Variants in SLC35F4 observed in about 807,000 individuals in gnomAD.
SLC35F4 encodes the protein solute carrier family 35 member F4.
In SLC35F4, 24 loss-of-function variants were observed where a neutral mutation model predicts 44.2. The ratio of observed to expected loss-of-function variants is 0.54; its 90% CI spans 0.39 to 0.76. The LOEUF (loss-of-function observed/expected upper bound fraction) is 0.76. SLC35F4 is among the 30% of genes least tolerant of loss of function. The pLI, the probability that SLC35F4 is intolerant of heterozygous loss-of-function variation, is 0.00. For synonymous variants in SLC35F4, 238 were observed against 223.6 expected (o/e 1.06, Z -0.57); for missense variants, 562 against 586.1 (o/e 0.96, Z 0.42).
rs544585187 is a variant in SLC35F4 at position 57,969,761 on chromosome 14, A to T, written n.282+12152T>A. On this transcript the variant is annotated intron_variant and non_coding_transcript_variant, in intron 1 of 1. Coordinates refer to the SLC35F4 transcript ENST00000556568. Reference sequence around the variant, plus strand: ...ATGCTCATATTATAAATAATACTACAATAAACTTCATGTGACACATATTTT... The same window carrying T: ...ATGCTCATATTATAAATAATACTACTATAAACTTCATGTGACACATATTTT... Among the ~76,000 whole-genome samples, 99 of 152,328 alleles carry T rather than the reference A, an allele frequency of 6.5e-4. 2 individuals carry two copies. Among genetic ancestry groups the T allele is most frequent in the Admixed American group, 5.2e-3 (79 of 15,296 alleles).
chr14:57,956,618 A>C (rs1318873272), intron 1 of SLC35F4, among the ~76,000 whole-genome samples: 1 of 152,224 alleles, frequency 6.6e-6, no homozygotes, highest in Non-Finnish European at 1.5e-5. Context: ...ACCCCATGAA[A>C]AAGTGGGCAA....
chr14:57,900,168 C>T (rs1429285387), intron 1 of SLC35F4, among the ~76,000 whole-genome samples: 1 of 152,128 alleles, frequency 6.6e-6, no homozygotes, highest in African/African-American at 2.4e-5. Context: ...TTTACAATCC[C>T]ATTGCTAGCT....
intron 1 of SLC35F4, among the ~76,000 whole-genome samples, chr14:57,877,372 G>A (rs10139617): frequency 0.19 from 28,611 of 152,136 alleles, 5,969 homozygotes; most frequent in African/African-American, 0.52. Flanking sequence ...CATGATACAT[G>A]TGTACCACAT....
At chr14:57,827,771 T>C (rs187820802) in intron 1 of SLC35F4, among the ~76,000 whole-genome samples, 2 of 145,350 alleles carry the variant, frequency 1.4e-5, no homozygotes, top group Admixed American at 6.9e-5. Flanking sequence ...TATACAATTA[T>C]AAGGCAATAC....
chr14:57,844,147 C>G (rs1443806442), intron 1 of SLC35F4, among the ~76,000 whole-genome samples: 1 of 152,122 alleles, frequency 6.6e-6, no homozygotes, highest in East Asian at 1.9e-4. Context: ...CTTTTAAAAA[C>G]CTACTGATCT....
rs146515629 is a variant in SLC35F4, at chr14:57,876,443, G to A, written n.282+105470C>T. 1.4e-3 allele frequency among the ~76,000 whole-genome samples: 209 copies of A among 151,952 alleles called. 3 individuals carry two copies. The East Asian group carries it at 0.031, about 23-fold the overall frequency. ...CCTGGCTGCTGAAAAAAATGAGAGC[G>A]CGAGGGAGTTATTTCTGTGACTCAG... On this transcript the variant is annotated intron_variant and non_coding_transcript_variant, in intron 1 of 1. Coordinates refer to the SLC35F4 transcript ENST00000556568.
intron 1 of SLC35F4, among the ~76,000 whole-genome samples, chr14:57,961,122 G>A (rs572897281): frequency 2.7e-4 from 41 of 152,228 alleles, no homozygotes; most frequent in Admixed American, 1.7e-3. Flanking sequence ...ACGGAGAGAC[G>A]TGATTTTCAG....
At chr14:57,933,039 CTTTTT>C (rs565156783) in intron 1 of SLC35F4, among the ~76,000 whole-genome samples, 33 of 137,498 alleles carry the variant, frequency 2.4e-4, no homozygotes, top group Admixed American at 4.4e-4. Context: ...CTCCTATTTA[CTTTTT>C]TTTTTTTTTT....
chr14:57,743,532 T>C (rs1183635163), intron 1 of SLC35F4, among the ~76,000 whole-genome samples: 4 of 152,150 alleles, frequency 2.6e-5, no homozygotes, highest in Non-Finnish European at 5.9e-5. Context: ...CAGGAAGAAG[T>C]TGAATCCCTG....
intron 4 of SLC35F4, among the ~76,000 whole-genome samples, chr14:57,575,720 G>A (rs17093346): frequency 0.24 from 37,183 of 152,084 alleles, 4,711 homozygotes; most frequent in Admixed American, 0.34. Context: ...GGCCTCGTGA[G>A]CCAGCTATCT....
intron 1 of SLC35F4, among the ~76,000 whole-genome samples, chr14:57,719,218 A>G (rs560321657): frequency 6.6e-6 from 1 of 152,262 alleles, no homozygotes; most frequent in South Asian, 2.1e-4. Context: ...TGCCAGTACC[A>G]TGCTGTTTTG....
At chr14:57,858,761 T>C (rs1357892203) in intron 1 of SLC35F4, among the ~76,000 whole-genome samples, 1 of 150,790 alleles carries the variant, frequency 6.6e-6, no homozygotes, top group Non-Finnish European at 1.5e-5. Context: ...GATGAGACTA[T>C]GACCAGAGTG....
intron 1 of SLC35F4, among the ~76,000 whole-genome samples, chr14:57,878,047 G>A (rs1013837667): frequency 2.0e-5 from 3 of 151,756 alleles, no homozygotes; most frequent in African/African-American, 7.3e-5. Flanking sequence ...GTGGTTTTGG[G>A]TTTGCATTTT....
At chr14:57,768,023 G>A (rs1566835711) in intron 1 of SLC35F4, among the ~76,000 whole-genome samples, 2 of 152,088 alleles carry the variant, frequency 1.3e-5, no homozygotes, top group African/African-American at 4.8e-5. Flanking sequence ...AAAGTTCTTG[G>A]AAAAGAAAGT....
At chr14:57,925,500 A>T (rs1218696455) in intron 1 of SLC35F4, among the ~76,000 whole-genome samples, 1 of 43,610 alleles carries the variant, frequency 2.3e-5, no homozygotes, top group Non-Finnish European at 4.5e-5. Flanking sequence ...GAAGGAAGGG[A>T]GGGAGGGAGG....
At chr14:57,699,913 T>G (rs981264863) in intron 1 of SLC35F4, among the ~76,000 whole-genome samples, 4 of 152,268 alleles carry the variant, frequency 2.6e-5, no homozygotes, top group Non-Finnish European at 4.4e-5. Context: ...TGTGCAAAAT[T>G]TAAGGTCTAA....
At chr14:57,728,991 G>A (rs2076282089) in intron 1 of SLC35F4, among the ~76,000 whole-genome samples, 1 of 152,028 alleles carries the variant, frequency 6.6e-6, no homozygotes, top group Non-Finnish European at 1.5e-5. Context: ...ACTCTCTCCT[G>A]GCCTATAAGG....
intron 1 of SLC35F4, among the ~76,000 whole-genome samples, chr14:57,683,976 A>T (rs17803803): frequency 0.061 from 9,290 of 151,858 alleles, 428 homozygotes; most frequent in South Asian, 0.098. Context: ...GTACCAGGTG[A>T]TGCTGGTGGG....
intron 1 of SLC35F4, among the ~76,000 whole-genome samples, chr14:57,634,982 C>A (rs180877162): frequency 6.6e-6 from 1 of 152,018 alleles, no homozygotes; most frequent in South Asian, 2.1e-4. Context: ...CCCCCTTGGC[C>A]GGTTGCGGCT....
Sources: allele counts gnomAD v4.1 joint callset (sites outside exome capture counted in the v4.1 genomes callset), GRCh38; gene constraint gnomAD v4.1.1; transcripts MANE v1.5; gene names NCBI Gene and HGNC (gene_info 2026-07-23, HGNC 2026-07-21).